LAMB4: variants seen among roughly 807,000 people sequenced by gnomAD.
LAMB4 encodes the protein laminin subunit beta-4.
LAMB4 carries 196 observed loss-of-function variants against 199.2 expected under a neutral mutation model. The ratio of observed to expected loss-of-function variants is 0.98; its 90% CI spans 0.88 to 1.11. The LOEUF (loss-of-function observed/expected upper bound fraction) is 1.11, where lower values mean the gene tolerates loss of function less well. LAMB4 is among the 50% of genes least tolerant of loss of function. The probability of loss-of-function intolerance (pLI) is 0.00; values close to 1 mark genes in which losing one functional copy is unlikely to be tolerated. For synonymous variants in LAMB4, 744 were observed against 770.6 expected, an observed-to-expected ratio of 0.97 and a Z score of 0.57; for missense variants, 2,080 against 2,171.2, an observed-to-expected ratio of 0.96 and a Z score of 0.83.
chr7:108,097,046 A>G (rs915717205), intron 11 of LAMB4, among the ~76,000 whole-genome samples: 2 of 151,946 alleles, frequency 1.3e-5, no homozygotes, highest in African/African-American at 4.8e-5. Context: ...TTTTAGTCAG[A>G]GAGTCAGAGA....
chr7:108,119,616 G>T (rs1157291579), intron 2 of LAMB4, among the ~76,000 whole-genome samples: 1 of 152,130 alleles, frequency 6.6e-6, no homozygotes, highest in African/African-American at 2.4e-5. Context: ...GAAGGCAGAG[G>T]GGGAGGGAGG....
Position 108,113,233 on chromosome 7 carries a change from T to G in LAMB4, c.193-1287A>C, listed in dbSNP as rs189718567. ...CCCTTATCACTACTTGAGGCTATAT[T>G]ATACAGTTGTTGGTTTATTGTCTGT... is the stretch of plus-strand genomic sequence containing the variant. On this transcript the variant is annotated intron_variant, in intron 3 of 33. Transcript: ENST00000388781. Among the ~76,000 whole-genome samples, 14 of 152,320 alleles carry G rather than the reference T, an allele frequency of 9.2e-5. No individual in the cohort carries two copies. The East Asian group carries it at 2.1e-3, about 23-fold the overall frequency.
chr7:108,023,178 T>G (rs1322272244), downstream of LAMB4, among the ~76,000 whole-genome samples: 2 of 152,230 alleles, frequency 1.3e-5, no homozygotes, highest in African/African-American at 4.8e-5. Context: ...CTTTTTCATT[T>G]ATCAATGTTG....
chr7:108,096,956 A>T lies in LAMB4; in HGVS notation c.1360+1447T>A, dbSNP rs866343657. ...GTCTCTCTCAAAAAAAAAAAAAAAAAAAAAAAAAAAAAAAAATTTAAAGCT... is the reference window on the plus strand; with the variant it reads ...GTCTCTCTCAAAAAAAAAAAAAAAATAAAAAAAAAAAAAAAATTTAAAGCT... On this transcript the variant is annotated intron_variant, in intron 11 of 33. Transcript: ENST00000388781. Among the ~76,000 whole-genome samples, 363 of 150,458 alleles carry T rather than the reference A, an allele frequency of 2.4e-3. 4 individuals carry two copies. Among genetic ancestry groups the T allele is most frequent in the African/African-American group, 8.4e-3 (344 of 41,096 alleles).
intron 1 of LAMB4, among the ~76,000 whole-genome samples, chr7:108,126,520 T>C (rs1007397002): frequency 1.3e-5 from 2 of 151,282 alleles, no homozygotes; most frequent in South Asian, 4.2e-4. Flanking sequence ...TCCTAAAGGT[T>C]CATCCATGTT....
At chr7:108,103,274 C>G in intron 9 of LAMB4, 42 bp from the exon 10 acceptor site, 1 of 1,488,528 alleles carries the variant, frequency 6.7e-7, no homozygotes, top group Non-Finnish European at 9.0e-7. Context: ...ACTAAGGCCT[C>G]GGGTGGCACA....
At chr7:108,079,434 G>A (rs781649660) in intron 15 of LAMB4, among the ~76,000 whole-genome samples, 167 bp downstream of exon 15, 6 of 152,264 alleles carry the variant, frequency 3.9e-5, no homozygotes, top group South Asian at 4.1e-4. Flanking sequence ...GGCTCACTGC[G>A]CTGCTTCAAT....
intron 14 of LAMB4, among the ~76,000 whole-genome samples, chr7:108,087,841 G>C (rs973937682): frequency 3.9e-5 from 6 of 152,228 alleles, no homozygotes; most frequent in Non-Finnish European, 8.8e-5. Flanking sequence ...AAGAAATAAA[G>C]CTATTGATGT....
intron 33 of LAMB4, among the ~76,000 whole-genome samples, chr7:108,028,429 G>A (rs1280911953): frequency 6.7e-6 from 1 of 149,924 alleles, no homozygotes; most frequent in Non-Finnish European, 1.5e-5. Context: ...AATGTCTTCA[G>A]ACATCTCACC....
At chr7:108,098,723 G>A in intron 10 of LAMB4, 141 bp from the exon 11 acceptor site, 1 of 646,148 alleles carries the variant, frequency 1.5e-6, no homozygotes, top group Non-Finnish European at 2.5e-6. Flanking sequence ...CACCTGGCAA[G>A]AGCTATTCAG....
At chr7:108,032,621 G>A (rs1036432930) in intron 31 of LAMB4, among the ~76,000 whole-genome samples, 2 of 151,972 alleles carry the variant, frequency 1.3e-5, no homozygotes, top group Admixed American at 6.6e-5. Context: ...AGCCACAATC[G>A]CGGTTAGCAA....
the LAMB4 span, among the ~76,000 whole-genome samples, chr7:108,018,135 G>T: frequency 6.6e-6 from 1 of 152,358 alleles, no homozygotes; most frequent in South Asian, 2.1e-4. Flanking sequence ...AAAGTCACAG[G>T]CACCTAAGGA....
Position 108,105,933 on chromosome 7 carries a change from A to G in LAMB4, c.754T>C (p.Tyr252His). The G allele has an allele frequency of 1.2e-6, 2 of 1,614,226 alleles. No individual in the cohort carries two copies. The highest frequency in any genetic ancestry group is 1.1e-5 in the South Asian group (1 of 91,088). Residue 252 changes from tyrosine to histidine, a missense_variant, in exon 8 of 34, where the codon TAC becomes CAC. Transcript: ENST00000388781. Reference sequence around the variant, plus strand: ...ATCATCTCGTACAGAGCATAGTAGTATTTATCAAGGGAATCATTTTGCCTC... The same window carrying G: ...ATCATCTCGTACAGAGCATAGTAGTGTTTATCAAGGGAATCATTTTGCCTC... ...GRRQNDSLDK[Y>H]YYALYEMIVR...
At chr7:108,071,287 C>A (rs1454900792) in intron 17 of LAMB4, among the ~76,000 whole-genome samples, 1 of 152,142 alleles carries the variant, frequency 6.6e-6, no homozygotes, top group Non-Finnish European at 1.5e-5. Context: ...CAAGCCAATG[C>A]AATACTTCTC....
In LAMB4 at chr7:108,063,741, T is replaced by C; in HGVS notation, c.3061+20A>G. ...GTCACTCAGCTGACACATTTCCCCC[T>C]GGGAGTTTTGCAGACTTACTTCTGC... On this transcript the variant is annotated intron_variant, in intron 22 of 33. Coordinates refer to ENST00000388781, the MANE Select transcript of LAMB4 (RefSeq NM_007356.3). 6.3e-7 allele frequency: 1 copy of C among 1,595,132 alleles called. No homozygotes were observed. The highest frequency in any genetic ancestry group is 8.6e-7 in the Non-Finnish European group (1 of 1,162,930).
At position 108,078,411 on chromosome 7, in the gene LAMB4, G is replaced by T. The variant is rs866254507; in HGVS notation, c.1888-95C>A. Reference sequence around the variant, plus strand: ...TAGCTAATGGAAAGTGCATGGACTTGAATTTGCAACCCCTAGGCCACTTGG... The same window carrying T: ...TAGCTAATGGAAAGTGCATGGACTTTAATTTGCAACCCCTAGGCCACTTGG... On this transcript the variant is annotated intron_variant, in intron 15 of 33. Coordinates refer to ENST00000388781, the MANE Select transcript of LAMB4 (RefSeq NM_007356.3). The T allele has an allele frequency of 8.9e-5, 69 of 774,070 alleles. No homozygotes were observed. The African/African-American group carries it at 1.1e-3, about 12-fold the overall frequency. The allele number at this position is 774,070 out of a possible 1,614,324, so 48.0% of individuals were successfully genotyped here. A position where few individuals can be genotyped will look rare whatever the true frequency, so the allele number is the denominator to read the frequency against.
rs1184779969 is a variant in LAMB4, at chr7:108,049,438, T to A, written c.4010A>T (p.Asn1337Ile). 1.9e-6 allele frequency: 3 copies of A among 1,589,800 alleles called. No individual in the cohort carries two copies. Among genetic ancestry groups the A allele is most frequent in the Non-Finnish European group, 2.6e-6 (3 of 1,158,994 alleles). Residue 1337 changes from asparagine (N) to isoleucine (I), a missense_variant, in exon 27 of 34, where the codon AAT becomes ATT. Transcript: ENST00000388781. Reference protein sequence around the residue: ...ETSSTINTSANTRNDLLTILD... With the variant: ...ETSSTINTSAITRNDLLTILD... The stretch of plus-strand genomic sequence containing the variant: ...GATGGTAAGTAAGTCATTCCTTGTA[T>A]TTGCAGAGGTATTAATGGTGGAACT...
At chr7:108,045,507 C>T (rs987676032) in intron 28 of LAMB4, among the ~76,000 whole-genome samples, 18 of 152,192 alleles carry the variant, frequency 1.2e-4, no homozygotes, top group Admixed American at 1.1e-3. Flanking sequence ...GCTGATTAAA[C>T]TAGCTTCTGC....
chr7:108,067,936 A>C (rs1011974446), intron 19 of LAMB4, 80 bp downstream of exon 19: 4 of 1,553,622 alleles, frequency 2.6e-6, no homozygotes, highest in East Asian at 2.3e-5. Flanking sequence ...TCCCATTAAA[A>C]CCCCCCTCCA....
Sources: allele counts gnomAD v4.1 joint callset (sites outside exome capture counted in the v4.1 genomes callset), GRCh38; gene constraint gnomAD v4.1.1; transcripts MANE v1.5; gene names NCBI Gene and HGNC (gene_info 2026-07-23, HGNC 2026-07-21).